Variants in CTTNBP2 observed in about 807,000 individuals in gnomAD.
CTTNBP2 encodes cortactin binding protein 2, also known as cortactin-binding protein 2.
A neutral mutation model predicts 156.9 loss-of-function variants in CTTNBP2; 108 were observed. The ratio of observed to expected loss-of-function variants is 0.69; its 90% CI spans 0.59 to 0.81. The LOEUF is 0.81. CTTNBP2 is among the 30% of genes least tolerant of loss of function. The pLI is 0.00. For synonymous variants in CTTNBP2, 767 were observed against 751.8 expected (o/e 1.02, Z -0.33); for missense variants, 1,924 against 2,035.4 (o/e 0.95, Z 1.05).
chr7:117,739,644 C>T (rs1196928651), intron 14 of CTTNBP2, among the ~76,000 whole-genome samples: 1 of 152,174 alleles, frequency 6.6e-6, no homozygotes, highest in Non-Finnish European at 1.5e-5. Flanking sequence ...TCTAGCTAAA[C>T]CCAAACTGCT....
chr7:117,825,702 A>G (rs1242546998), intron 2 of CTTNBP2, among the ~76,000 whole-genome samples: 1 of 152,062 alleles, frequency 6.6e-6, no homozygotes, highest in Admixed American at 6.6e-5. Context: ...TTGAGCCTTC[A>G]TCAGTTACAT....
intron 2 of CTTNBP2, among the ~76,000 whole-genome samples, chr7:117,837,849 G>T (rs943969215): frequency 6.6e-6 from 1 of 152,068 alleles, no homozygotes; most frequent in Non-Finnish European, 1.5e-5. Context: ...TGTCTATAAA[G>T]GACCGCCCAG....
chr7:117,817,357 A>ATAAAT (rs1282725521), intron 2 of CTTNBP2, among the ~76,000 whole-genome samples: 15 of 32,990 alleles, frequency 4.5e-4, no homozygotes, highest in Admixed American at 8.4e-4. Context: ...AAAAAAAAAA[A>ATAAAT]AAAAATATAT....
intron 12 of CTTNBP2, among the ~76,000 whole-genome samples, chr7:117,749,891 A>T (rs1406992380): frequency 6.6e-6 from 1 of 152,124 alleles, no homozygotes. Context: ...AGGTTTTGTC[A>T]GTTTTCAAAA....
intron 2 of CTTNBP2, among the ~76,000 whole-genome samples, chr7:117,849,931 C>T (rs957215544): frequency 6.6e-6 from 1 of 152,172 alleles, no homozygotes; most frequent in Non-Finnish European, 1.5e-5. Flanking sequence ...TGGCTTGGCA[C>T]TTAGCTGTGT....
chr7:117,857,126 T>C (rs1057148861), intron 2 of CTTNBP2, among the ~76,000 whole-genome samples: 6 of 152,236 alleles, frequency 3.9e-5, no homozygotes, highest in Non-Finnish European at 5.9e-5. Flanking sequence ...CTTTGGACTT[T>C]ATCTGAATGT....
intron 2 of CTTNBP2, among the ~76,000 whole-genome samples, chr7:117,816,187 C>G (rs1470872703): frequency 6.6e-6 from 1 of 152,188 alleles, no homozygotes; most frequent in African/African-American, 2.4e-5. Flanking sequence ...TCAGTTCACC[C>G]ACTGCCTAAG....
intron 2 of CTTNBP2, among the ~76,000 whole-genome samples, chr7:117,855,288 T>G (rs908260519): frequency 6.7e-6 from 1 of 149,230 alleles, no homozygotes. Flanking sequence ...AATTTTTGTA[T>G]TTTTAGTAGA....
chr7:117,729,081 G>A lies in CTTNBP2; in HGVS notation c.3877-814C>T, dbSNP rs114308043. Among the ~76,000 whole-genome samples the A allele has an allele frequency of 1.4e-3, 219 of 152,254 alleles. 1 individual carries two copies. The highest frequency in any genetic ancestry group is 5.0e-3 in the African/African-American group (206 of 41,556). On this transcript the variant is annotated intron_variant, in intron 16 of 22. Transcript: ENST00000160373. ...GAGGGTAGAGCTCTCATTGTAACTC[G>A]GTCCCCAGGGAAACGTTACTTTTTC...
At chr7:117,817,333 CAAAAAAAAAAAA>C (rs1165563266) in intron 2 of CTTNBP2, among the ~76,000 whole-genome samples, 27 of 27,212 alleles carry the variant, frequency 9.9e-4, no homozygotes, top group African/African-American at 8.2e-4. Flanking sequence ...GACTCCATCT[CAAAAAAAAAAAA>C]AAAAAAAAAA....
At chr7:117,773,690 CACACACACACACACACA>C (rs1562992383) in intron 8 of CTTNBP2, among the ~76,000 whole-genome samples, 15 of 148,856 alleles carry the variant, frequency 1.0e-4, no homozygotes, top group African/African-American at 2.3e-4. Flanking sequence ...CACACACACA[CACACACACACACACACA>C]CCCCAAAAAA....
chr7:117,800,504 T>C (rs560176119), intron 3 of CTTNBP2, among the ~76,000 whole-genome samples: 120 of 152,282 alleles, frequency 7.9e-4, no homozygotes, highest in Non-Finnish European at 9.4e-4. Context: ...GTACTTCCTG[T>C]AAACTTTTCC....
chr7:117,815,782 AAATAC>A (rs1403738957), intron 2 of CTTNBP2, among the ~76,000 whole-genome samples: 3 of 152,212 alleles, frequency 2.0e-5, no homozygotes. Flanking sequence ...CAGTGAAACA[AAATAC>A]AACTGGCAGG....
rs562110038 is a variant in CTTNBP2 at position 117,831,835 on chromosome 7, G to A, written c.190-20846C>T. On this transcript the variant is annotated intron_variant, in intron 2 of 22. Transcript: ENST00000160373. ...AGTTTCTTTTTCAAGTATGTTCAAC[G>A]TTCTGCTCTCAACCTTATTCTCTTT... Among the ~76,000 whole-genome samples, 12 of 152,058 alleles carry A rather than the reference G, an allele frequency of 7.9e-5. No homozygotes were observed. The East Asian group carries it at 1.8e-3, about 22-fold the overall frequency.
intron 14 of CTTNBP2, among the ~76,000 whole-genome samples, chr7:117,745,156 C>T (rs535290874): frequency 2.6e-5 from 4 of 152,236 alleles, no homozygotes; most frequent in South Asian, 2.1e-4. Context: ...AATCTAAGAT[C>T]GAAAACTCAT....
At chr7:117,830,483 C>G (rs1801533582) in intron 2 of CTTNBP2, among the ~76,000 whole-genome samples, 1 of 152,248 alleles carries the variant, frequency 6.6e-6, no homozygotes, top group South Asian at 2.1e-4. Context: ...ACATACCGAA[C>G]ATCAATGCGT....
intron 1 of CTTNBP2, among the ~76,000 whole-genome samples, chr7:117,864,335 G>A (rs981234046): frequency 1.3e-5 from 2 of 152,024 alleles, no homozygotes; most frequent in African/African-American, 4.8e-5. Context: ...GCATCTGTCT[G>A]CTTGTCTCTC....
chr7:117,790,010 C>A (rs1208413660), intron 4 of CTTNBP2, among the ~76,000 whole-genome samples: 1 of 152,138 alleles, frequency 6.6e-6, no homozygotes, highest in Non-Finnish European at 1.5e-5. Context: ...TGATAATTAG[C>A]AAATATGATG....
intron 7 of CTTNBP2, 53 bp from the exon 8 acceptor site, chr7:117,777,818 G>A: frequency 3.9e-6 from 6 of 1,525,468 alleles, no homozygotes; most frequent in Non-Finnish European, 5.4e-6. Flanking sequence ...TAATGTCAAG[G>A]AAAATATTAT....
Sources: allele counts gnomAD v4.1 joint callset (sites outside exome capture counted in the v4.1 genomes callset), GRCh38; gene constraint gnomAD v4.1.1; transcripts MANE v1.5; gene names NCBI Gene and HGNC (gene_info 2026-07-23, HGNC 2026-07-21).